ACTL8: variants seen among roughly 807,000 people sequenced by gnomAD.
ACTL8 encodes the protein actin like 8.
Under a neutral mutation model 9.3 loss-of-function variants are expected in ACTL8, and 3 were observed. That is an observed-to-expected ratio of 0.32 (90% CI 0.15 to 0.83). The LOEUF (loss-of-function observed/expected upper bound fraction) is 0.83. Ranked by LOEUF, ACTL8 falls within the 40% of genes least tolerant of loss-of-function variation. The pLI, the probability that ACTL8 is intolerant of heterozygous loss-of-function variation, is 0.57. For missense variants in ACTL8, 381 were observed against 492.2 expected (o/e 0.77, Z 2.14); for synonymous variants, 224 against 205.9 (o/e 1.09, Z -0.75).
Position 17,825,974 on chromosome 1 carries a change from AAG to A in ACTL8, c.559_560del (p.Phe189Ter). The A allele has an allele frequency of 6.2e-7, 1 of 1,609,944 alleles. No individual in the cohort carries two copies. The highest frequency in any genetic ancestry group is 8.5e-7 in the Non-Finnish European group (1 of 1,179,996). ...CCAGGATCTCTCCGCCTATCTCCTC[AAG>A]AGTCTCTTTAAGGAAGATTGCGATA... ...AGQDLSAYLL[K>X]SLFKEDCDRR... is the part of the protein sequence containing the mutation. On this transcript the variant is annotated frameshift_variant, in exon 3 of 3. Transcript: ENST00000375406. LOFTEE classifies it low-confidence loss of function (END_TRUNC).
chr1:17,766,669 C>G (rs1046294511), intron 1 of ACTL8, among the ~76,000 whole-genome samples: 12 of 152,146 alleles, frequency 7.9e-5, no homozygotes, highest in Non-Finnish European at 2.9e-5. Flanking sequence ...GATGAGGAAA[C>G]TGATGCCCAG....
chr1:17,818,380 T>C (rs947994012), intron 1 of ACTL8, among the ~76,000 whole-genome samples: 5 of 152,166 alleles, frequency 3.3e-5, no homozygotes, highest in Non-Finnish European at 7.3e-5. Flanking sequence ...GTCTATCCTT[T>C]CTATTGGCCG....
chr1:17,784,443 T>C (rs2066181532), intron 1 of ACTL8, among the ~76,000 whole-genome samples: 1 of 152,158 alleles, frequency 6.6e-6, no homozygotes, highest in South Asian at 2.1e-4. Flanking sequence ...CCATGCCTCA[T>C]AGGAACATTA....
intron 1 of ACTL8, among the ~76,000 whole-genome samples, chr1:17,762,414 A>C (rs1054012408): frequency 8.6e-5 from 13 of 152,046 alleles, no homozygotes; most frequent in South Asian, 2.1e-4. Flanking sequence ...TGGGCCATTT[A>C]AAACCAGAGG....
intron 1 of ACTL8, among the ~76,000 whole-genome samples, chr1:17,811,063 C>A (rs1570038908): frequency 6.6e-6 from 1 of 152,214 alleles, no homozygotes; most frequent in Non-Finnish European, 1.5e-5. Flanking sequence ...AACTCCTAAA[C>A]TGTTTTCCAG....
chr1:17,788,890 G>C (rs529258755), intron 1 of ACTL8, among the ~76,000 whole-genome samples: 1 of 152,376 alleles, frequency 6.6e-6, no homozygotes, highest in South Asian at 2.1e-4. Flanking sequence ...GGGCCCCTGT[G>C]TGACAGCTGA....
intron 1 of ACTL8, among the ~76,000 whole-genome samples, chr1:17,799,819 TCCGCCC>T (rs2066307166): frequency 6.6e-6 from 1 of 152,106 alleles, no homozygotes; most frequent in Non-Finnish European, 1.5e-5. Flanking sequence ...GTAAATCAGC[TCCGCCC>T]CCGCCCCCAC....
At chr1:17,817,157 A>C (rs1205602296) in intron 1 of ACTL8, among the ~76,000 whole-genome samples, 2 of 149,032 alleles carry the variant, frequency 1.3e-5, no homozygotes, top group East Asian at 3.9e-4. Flanking sequence ...CCTGGTGAGC[A>C]TCAGAAGCCT....
At chr1:17,765,704 T>C (rs1456087772) in intron 1 of ACTL8, among the ~76,000 whole-genome samples, 1 of 152,226 alleles carries the variant, frequency 6.6e-6, no homozygotes, top group Non-Finnish European at 1.5e-5. Flanking sequence ...CACTCACTTA[T>C]TCACGATCTG....
intron 1 of ACTL8, among the ~76,000 whole-genome samples, chr1:17,812,341 G>A (rs1428857134): frequency 6.6e-6 from 1 of 151,618 alleles, no homozygotes; most frequent in Non-Finnish European, 1.5e-5. Flanking sequence ...GATTAGGATT[G>A]AATCTATAAA....
At chr1:17,756,003 A>G (rs1290262966) in intron 1 of ACTL8, among the ~76,000 whole-genome samples, 6 of 150,552 alleles carry the variant, frequency 4.0e-5, no homozygotes, top group Admixed American at 4.0e-4. Context: ...TTTTTTGAGG[A>G]CGTTTACTCT....
chr1:17,758,700 T>A (rs1264277942), intron 1 of ACTL8, among the ~76,000 whole-genome samples: 1 of 152,234 alleles, frequency 6.6e-6, no homozygotes. Flanking sequence ...AATGCCACTC[T>A]GGCTCATAAG....
intron 1 of ACTL8, among the ~76,000 whole-genome samples, chr1:17,769,330 G>A (rs1557428558): frequency 6.6e-6 from 1 of 152,186 alleles, no homozygotes; most frequent in South Asian, 2.1e-4. Flanking sequence ...CTGCAGAGCT[G>A]TTTCTCTTCT....
chr1:17,794,642 T>C (rs2066264680), intron 1 of ACTL8, among the ~76,000 whole-genome samples: 1 of 152,238 alleles, frequency 6.6e-6, no homozygotes, highest in Non-Finnish European at 1.5e-5. Context: ...CTTTTCTCTT[T>C]GCATAATTTT....
chr1:17,825,918 C>T lies in ACTL8; in HGVS notation c.500C>T (p.Pro167Leu). The change falls in exon 3 of 3, where the codon CCC becomes CTC. Residue 167 changes from proline (P) to leucine (L), a missense_variant. Transcript: ENST00000375406. ...VQPFHQGRPL[P>L]ASGKTLEFAG... is the part of the protein sequence containing the mutation. ...CCTTTCCACCAGGGCCGCCCCTTGC[C>T]CGCCAGCGGCAAGACGCTGGAGTTC... The T allele has an allele frequency of 6.2e-7, 1 of 1,612,760 alleles. No individual in the cohort carries two copies. Among genetic ancestry groups the T allele is most frequent in the Non-Finnish European group, 8.5e-7 (1 of 1,180,022 alleles).
intron 1 of ACTL8, among the ~76,000 whole-genome samples, chr1:17,804,183 G>A (rs1360794445): frequency 1.3e-5 from 2 of 152,186 alleles, no homozygotes; most frequent in Non-Finnish European, 2.9e-5. Flanking sequence ...CTTCTCCACA[G>A]GCCTGCCTCT....
At chr1:17,759,979 G>A (rs193231875) in intron 1 of ACTL8, among the ~76,000 whole-genome samples, 11 of 152,220 alleles carry the variant, frequency 7.2e-5, no homozygotes, top group African/African-American at 1.7e-4. Context: ...AAATGACTGC[G>A]CAGCTTCCCC....
chr1:17,819,208 T>G (rs1177147455), intron 1 of ACTL8, among the ~76,000 whole-genome samples: 1 of 152,180 alleles, frequency 6.6e-6, no homozygotes. Context: ...CGAGAAGCAT[T>G]TATCAGTCAC....
intron 1 of ACTL8, among the ~76,000 whole-genome samples, chr1:17,760,345 CAAACTGGTGACT>C: frequency 6.6e-6 from 1 of 152,122 alleles, no homozygotes. Flanking sequence ...GGTGGCAGCT[CAAACTGGTGACT>C]TGGTGTGGGA....
Sources: gnomAD v4.1 joint callset for allele counts (sites outside exome capture counted in the v4.1 genomes callset) on GRCh38, gnomAD v4.1.1 for gene constraint, MANE v1.5 for transcripts, NCBI Gene and HGNC (gene_info 2026-07-23, HGNC 2026-07-21) for gene names.